ANO1: variants seen among roughly 807,000 people sequenced by gnomAD.
ANO1 encodes the protein anoctamin 1, also known as anoctamin-1.
ANO1 carries 59 observed loss-of-function variants against 124.0 expected under a neutral mutation model. The ratio of observed to expected loss-of-function variants is 0.48; its 90% CI spans 0.39 to 0.59. The LOEUF (loss-of-function observed/expected upper bound fraction) is 0.59, where lower values mean the gene tolerates loss of function less well. Among genes scored for constraint, ANO1 ranks in the 20% least tolerant of loss-of-function variants. The pLI, the probability that ANO1 is intolerant of heterozygous loss-of-function variation, is 0.00. For missense variants in ANO1, 1,059 were observed against 1,328.0 expected, an observed-to-expected ratio of 0.80 and a Z score of 3.15; for synonymous variants, 529 against 532.0, an observed-to-expected ratio of 0.99 and a Z score of 0.08.
chr11:70,026,509 G>A (rs1220743667), intron 1 of ANO1, among the ~76,000 whole-genome samples: 1 of 151,480 alleles, frequency 6.6e-6, no homozygotes, highest in African/African-American at 2.4e-5. Flanking sequence ...TGATGATGAT[G>A]ATAGTGATGG....
intron 1 of ANO1, among the ~76,000 whole-genome samples, chr11:70,011,041 T>G (rs115571681): frequency 6.6e-6 from 1 of 152,180 alleles, no homozygotes; most frequent in African/African-American, 2.4e-5. Flanking sequence ...ATGTGCCCAG[T>G]GCCATGATTT....
intron 1 of ANO1, among the ~76,000 whole-genome samples, chr11:70,050,509 C>A (rs1857336398): frequency 1.3e-5 from 2 of 152,166 alleles, no homozygotes; most frequent in Non-Finnish European, 2.9e-5. Flanking sequence ...CTTCCCCGCT[C>A]CCTGTGCTTT....
chr11:70,105,919 A>T, intron 5 of ANO1, 131 bp downstream of exon 5: 1 of 1,017,300 alleles, frequency 9.8e-7, no homozygotes, highest in Non-Finnish European at 1.5e-6. Context: ...AATAATTAGA[A>T]TAATGAAAGG....
chr11:70,144,973 C>T (rs896766160), intron 11 of ANO1, among the ~76,000 whole-genome samples: 2 of 152,134 alleles, frequency 1.3e-5, no homozygotes, highest in African/African-American at 2.4e-5. Flanking sequence ...CCGTGTCCAG[C>T]GCCTGGCAGC....
At chr11:70,166,116 G>A (rs548604064) in intron 20 of ANO1, among the ~76,000 whole-genome samples, 5 of 151,934 alleles carry the variant, frequency 3.3e-5, no homozygotes, top group African/African-American at 1.2e-4. Flanking sequence ...TCAATAATTC[G>A]AGACCAGCCT....
At chr11:70,029,955 GGA>G (rs1856972767) in intron 1 of ANO1, among the ~76,000 whole-genome samples, 1 of 152,196 alleles carries the variant, frequency 6.6e-6, no homozygotes, top group African/African-American at 2.4e-5. Context: ...TAGGGCCACT[GGA>G]GGAGTGGGTC....
chr11:70,125,257 C>G (rs34199493), intron 9 of ANO1, among the ~76,000 whole-genome samples: 1 of 151,324 alleles, frequency 6.6e-6, no homozygotes, highest in East Asian at 2.0e-4. Flanking sequence ...GCAGGAGAAT[C>G]GCTTGAACCC....
intron 1 of ANO1, among the ~76,000 whole-genome samples, chr11:70,021,360 G>A (rs1174888509): frequency 6.6e-6 from 1 of 152,142 alleles, no homozygotes; most frequent in African/African-American, 2.4e-5. Context: ...GAGCGTGGTG[G>A]TTGCAGGGGG....
chr11:70,118,761 T>C (rs1206477005), intron 8 of ANO1, among the ~76,000 whole-genome samples: 6 of 147,896 alleles, frequency 4.1e-5, no homozygotes, highest in Non-Finnish European at 7.5e-5. Flanking sequence ...AGATGGATGG[T>C]TGATGGATGG....
Position 70,188,345 on chromosome 11 carries a change from C to A in ANO1, c.*341C>A. ...CCTAGAGGTGAAAAGTGAGCAGAGG[C>A]CCGTAGAAACCCTCCTCTGAATCCT... is the stretch of plus-strand genomic sequence containing the variant. On this transcript the variant is annotated 3_prime_UTR_variant, in exon 26 of 26. Coordinates refer to ENST00000355303, the MANE Select transcript of ANO1 (RefSeq NM_018043.7). The A allele has an allele frequency of 3.3e-6, 1 of 302,868 alleles. No homozygotes were observed. The highest frequency in any genetic ancestry group is 6.2e-6 in the Non-Finnish European group (1 of 162,374). The allele number at this position is 302,868 out of a possible 1,614,324, so 18.8% of individuals were successfully genotyped here.
intron 1 of ANO1, among the ~76,000 whole-genome samples, chr11:70,066,158 C>A (rs1274132460): frequency 6.6e-6 from 1 of 152,210 alleles, no homozygotes; most frequent in Non-Finnish European, 1.5e-5. Context: ...GAATGAATGT[C>A]CATTGTGTGA....
At chr11:70,118,932 T>G (rs1476539321) in intron 8 of ANO1, among the ~76,000 whole-genome samples, 1 of 147,118 alleles carries the variant, frequency 6.8e-6, no homozygotes, top group Non-Finnish European at 1.5e-5. Context: ...TAATCAATGA[T>G]GGATGGATGG....
chr11:70,095,432 A>G (rs991875876), intron 2 of ANO1, among the ~76,000 whole-genome samples: 1 of 140,346 alleles, frequency 7.1e-6, no homozygotes, highest in African/African-American at 2.6e-5. Context: ...GAAAGAAAAG[A>G]AAAGAAAGAA....
intron 5 of ANO1, among the ~76,000 whole-genome samples, 170 bp downstream of exon 5, chr11:70,105,958 G>A (rs141956328): frequency 6.6e-6 from 1 of 152,262 alleles, no homozygotes; most frequent in East Asian, 1.9e-4. Context: ...CCAGGGGATG[G>A]TCGTGCCCCA....
upstream of ANO1, among the ~76,000 whole-genome samples, chr11:70,077,548 CG>C (rs1419796950): frequency 2.0e-5 from 3 of 152,152 alleles, no homozygotes; most frequent in Non-Finnish European, 4.4e-5. Context: ...CTGCTAGGTC[CG>C]GGGGTAAGAG....
chr11:70,147,798 G>A (rs1166397494), intron 11 of ANO1, among the ~76,000 whole-genome samples: 2 of 152,132 alleles, frequency 1.3e-5, no homozygotes, highest in Non-Finnish European at 2.9e-5. Flanking sequence ...CAGCATTGGC[G>A]CTGAGCACCT....
intron 15 of ANO1, 80 bp downstream of exon 15, chr11:70,156,068 C>T: frequency 7.8e-7 from 1 of 1,279,104 alleles, no homozygotes. Context: ...CCTCAACAAA[C>T]TGTTGTATAT....
At chr11:70,177,683 T>A (rs1218654426) in intron 22 of ANO1, among the ~76,000 whole-genome samples, 1 of 120,566 alleles carries the variant, frequency 8.3e-6, no homozygotes, top group Non-Finnish European at 1.6e-5. Flanking sequence ...CACTGCAACC[T>A]CCGCCCCCCG....
chr11:70,100,374 A>G (rs1432355440), intron 2 of ANO1, among the ~76,000 whole-genome samples: 1 of 152,196 alleles, frequency 6.6e-6, no homozygotes, highest in Admixed American at 6.5e-5. Context: ...GGTGGGCCAT[A>G]AATCCAATAG....
Sources: gnomAD v4.1 joint callset for allele counts (sites outside exome capture counted in the v4.1 genomes callset) on GRCh38, gnomAD v4.1.1 for gene constraint, MANE v1.5 for transcripts, NCBI Gene and HGNC (gene_info 2026-07-23, HGNC 2026-07-21) for gene names.